The following VRK2 variants were observed in gnomAD, a reference collection of about 807,000 sequenced individuals.
VRK2 encodes VRK serine/threonine kinase 2.
VRK2 carries 60 observed loss-of-function variants against 57.6 expected under a neutral mutation model. The observed-to-expected ratio is 1.04, with a 90% CI of 0.85 to 1.29. The LOEUF (loss-of-function observed/expected upper bound fraction) is 1.29, where lower values mean the gene tolerates loss of function less well. Ranked by LOEUF, VRK2 falls within the 50% of genes most tolerant of loss-of-function variation. The probability of loss-of-function intolerance (pLI) is 0.00; values close to 1 mark genes in which losing one functional copy is unlikely to be tolerated. For synonymous variants in VRK2, 231 were observed against 199.2 expected (o/e 1.16, Z -1.35); for missense variants, 705 against 588.1 (o/e 1.20, Z -2.06).
chr2:57,991,828 C>A (rs1430556994), intron 1 of VRK2, among the ~76,000 whole-genome samples: 1 of 151,302 alleles, frequency 6.6e-6, no homozygotes, highest in Non-Finnish European at 1.5e-5. Context: ...CGTGGTGGCG[C>A]ACTCCTGTAG....
intron 2 of VRK2, among the ~76,000 whole-genome samples, chr2:58,080,792 T>TAC (rs1670756307): frequency 4.6e-5 from 7 of 151,952 alleles, no homozygotes; most frequent in African/African-American, 1.7e-4. Context: ...GTCTGACAGT[T>TAC]TATTTCTTCA....
intron 1 of VRK2, among the ~76,000 whole-genome samples, chr2:57,933,913 T>G (rs1311711510): frequency 6.8e-6 from 1 of 147,862 alleles, no homozygotes; most frequent in Non-Finnish European, 1.5e-5. Flanking sequence ...TGAGTGGTGT[T>G]TGTTTGTTTG....
chr2:58,020,247 G>C (rs1352970460), intron 1 of VRK2, among the ~76,000 whole-genome samples: 3 of 152,204 alleles, frequency 2.0e-5, no homozygotes, highest in Middle Eastern at 3.2e-3. Flanking sequence ...GTCTTGCTCT[G>C]TTGTCCCGGC....
intron 2 of VRK2, among the ~76,000 whole-genome samples, chr2:58,062,320 C>G (rs1442664930): frequency 6.6e-6 from 1 of 152,044 alleles, no homozygotes; most frequent in African/African-American, 2.4e-5. Flanking sequence ...TCAGACCTCT[C>G]TATTCTCTGT....
chr2:58,045,633 C>T (rs957282353), upstream of VRK2, among the ~76,000 whole-genome samples: 3 of 152,124 alleles, frequency 2.0e-5, no homozygotes, highest in South Asian at 2.1e-4. Flanking sequence ...GAAACGTCTT[C>T]TCATGCCATC....
At chr2:58,077,254 A>G (rs1434438719) in intron 2 of VRK2, among the ~76,000 whole-genome samples, 4 of 152,184 alleles carry the variant, frequency 2.6e-5, no homozygotes, top group Non-Finnish European at 5.9e-5. Context: ...AATACAAAGG[A>G]CAAACATTGT....
chr2:57,947,690 T>A (rs1671304056), intron 1 of VRK2, among the ~76,000 whole-genome samples: 1 of 152,150 alleles, frequency 6.6e-6, no homozygotes, highest in Non-Finnish European at 1.5e-5. Flanking sequence ...TGCAAACATA[T>A]CTATCACATG....
rs138886993 is a variant in VRK2 at position 58,145,368 on chromosome 2, CA to C, written c.1024-943del. Among the ~76,000 whole-genome samples, 1,385 of 152,032 alleles carry C rather than the reference CA, an allele frequency of 9.1e-3. 30 individuals carry two copies. The highest frequency in any genetic ancestry group is 0.09 in the East Asian group (463 of 5,164). The stretch of plus-strand genomic sequence containing the variant: ...TTGCTCAAAGGTTAAACTACCTGCA[CA>C]AAAATGTAAGCAACATCACAAGCTC... On this transcript the variant is annotated intron_variant, in intron 11 of 12. Coordinates refer to ENST00000340157, the MANE Select transcript of VRK2 (RefSeq NM_006296.7).
At chr2:57,944,056 T>A (rs1361728534) in intron 1 of VRK2, among the ~76,000 whole-genome samples, 2 of 152,080 alleles carry the variant, frequency 1.3e-5, no homozygotes, top group African/African-American at 2.4e-5. Context: ...CTGATCTAAA[T>A]GAAAAACAAA....
chr2:58,002,253 G>T (rs553189808), intron 1 of VRK2, among the ~76,000 whole-genome samples: 1 of 152,298 alleles, frequency 6.6e-6, no homozygotes, highest in Non-Finnish European at 1.5e-5. Context: ...GGCTGTGGCG[G>T]ATCACCCGAT....
chr2:58,040,174 T>G (rs576162078), intron 3 of VRK2, among the ~76,000 whole-genome samples: 57 of 152,268 alleles, frequency 3.7e-4, no homozygotes, highest in Admixed American at 1.7e-3. Context: ...ATTTAAATAT[T>G]GGTATATCTT....
At chr2:57,914,975 G>A (rs190133657) in intron 1 of VRK2, among the ~76,000 whole-genome samples, 14 of 152,036 alleles carry the variant, frequency 9.2e-5, no homozygotes, top group Admixed American at 7.9e-4. Context: ...GTTTACTGTT[G>A]ATTATTTTGA....
rs116801044 is a variant in VRK2, at chr2:58,111,189, T to C, written c.544-11912T>C. ...AAACCCTTGGACAGGCTGGCCTTAGTGAGTGTTGAGTGGCTTACGTTGTTT... is the reference window on the plus strand; with the variant it reads ...AAACCCTTGGACAGGCTGGCCTTAGCGAGTGTTGAGTGGCTTACGTTGTTT... On this transcript the variant is annotated intron_variant, in intron 7 of 12. Transcript: ENST00000340157. 5.5e-3 allele frequency among the ~76,000 whole-genome samples: 830 copies of C among 152,286 alleles called. 10 individuals are homozygous for C. The highest frequency in any genetic ancestry group is 0.019 in the African/African-American group (784 of 41,544).
intron 10 of VRK2, among the ~76,000 whole-genome samples, chr2:58,136,762 T>G (rs1311662167): frequency 6.8e-6 from 1 of 147,056 alleles, no homozygotes; most frequent in South Asian, 2.1e-4. Context: ...GTCATTAACA[T>G]ATATATATAT....
At chr2:58,039,074 T>C (rs896035700) in intron 3 of VRK2, among the ~76,000 whole-genome samples, 1 of 152,144 alleles carries the variant, frequency 6.6e-6, no homozygotes, top group African/African-American at 2.4e-5. Flanking sequence ...TACTATTAGT[T>C]GATAAAAATC....
At chr2:58,068,756 C>T (rs1378047948) in intron 2 of VRK2, among the ~76,000 whole-genome samples, 1 of 146,602 alleles carries the variant, frequency 6.8e-6, no homozygotes, top group African/African-American at 2.5e-5. Flanking sequence ...GATCTATCAT[C>T]AAGTTCAGTG....
At chr2:57,938,068 G>C (rs892064469) in intron 1 of VRK2, among the ~76,000 whole-genome samples, 2 of 152,038 alleles carry the variant, frequency 1.3e-5, no homozygotes, top group Non-Finnish European at 2.9e-5. Flanking sequence ...CTGTCCTCGT[G>C]ATCCACCCAC....
At chr2:58,086,850 G>A (rs1385496331) in intron 5 of VRK2, among the ~76,000 whole-genome samples, 1 of 152,152 alleles carries the variant, frequency 6.6e-6, no homozygotes, top group Non-Finnish European at 1.5e-5. Context: ...TTAATTGGGG[G>A]ACGGGGAGAG....
intron 1 of VRK2, among the ~76,000 whole-genome samples, chr2:57,953,377 T>A (rs1349417614): frequency 1.3e-5 from 2 of 152,220 alleles, no homozygotes; most frequent in African/African-American, 4.8e-5. Context: ...GTTCCATATC[T>A]ATAATACAGA....
Sources: gnomAD v4.1 joint callset for allele counts (sites outside exome capture counted in the v4.1 genomes callset) on GRCh38, gnomAD v4.1.1 for gene constraint, MANE v1.5 for transcripts, NCBI Gene and HGNC (gene_info 2026-07-23, HGNC 2026-07-21) for gene names.